Variants in DEPTOR observed in about 807,000 individuals in gnomAD.
DEPTOR encodes the protein DEP domain-containing mTOR-interacting protein.
In DEPTOR, 41 loss-of-function variants were observed where a neutral mutation model predicts 41.6. The ratio of observed to expected loss-of-function variants is 0.98; its 90% confidence interval spans 0.77 to 1.28. The LOEUF (loss-of-function observed/expected upper bound fraction) is 1.28, where lower values mean the gene tolerates loss of function less well. Among genes scored for constraint, DEPTOR ranks in the 50% most tolerant of loss-of-function variants. The probability of loss-of-function intolerance (pLI) is 0.00; values close to 1 mark genes in which losing one functional copy is unlikely to be tolerated. For missense variants in DEPTOR, 514 were observed against 527.9 expected (o/e 0.97, Z 0.26); for synonymous variants, 195 against 192.3 (o/e 1.01, Z -0.12).
chr8:119,966,354 T>C (rs115034187), intron 4 of DEPTOR, among the ~76,000 whole-genome samples: 2,266 of 152,276 alleles, frequency 0.015, 64 homozygotes, highest in African/African-American at 0.052. Flanking sequence ...TAATCCCGGC[T>C]ACTCAGGAAG....
chr8:120,041,369 G>A (rs769058666), intron 8 of DEPTOR, among the ~76,000 whole-genome samples: 2 of 152,118 alleles, frequency 1.3e-5, no homozygotes, highest in South Asian at 2.1e-4. Flanking sequence ...CAGGACTGGC[G>A]CAGGGAGAGG....
chr8:120,003,783 G>A (rs1812391944), intron 6 of DEPTOR, among the ~76,000 whole-genome samples: 3 of 152,124 alleles, frequency 2.0e-5, no homozygotes. Context: ...GCACAAAATT[G>A]TTGGTGAACA....
chr8:119,984,543 T>G (rs1165885793), intron 4 of DEPTOR, among the ~76,000 whole-genome samples: 1 of 152,178 alleles, frequency 6.6e-6, no homozygotes, highest in Non-Finnish European at 1.5e-5. Context: ...CCTGTGTTAG[T>G]TTGCTGAGAA....
intron 3 of DEPTOR, among the ~76,000 whole-genome samples, chr8:119,941,440 T>TA (rs199594418): frequency 0.018 from 2,284 of 126,794 alleles, 64 homozygotes; most frequent in African/African-American, 0.063. Flanking sequence ...TTTACCACAA[T>TA]AAAAAATAAA....
At chr8:119,914,214 G>A (rs1827783197) in intron 1 of DEPTOR, among the ~76,000 whole-genome samples, 1 of 139,836 alleles carries the variant, frequency 7.2e-6, no homozygotes, top group African/African-American at 2.9e-5. Context: ...CCTAATTTTT[G>A]TATTTTTAGT....
At chr8:119,931,957 A>G (rs1378739243) in intron 3 of DEPTOR, among the ~76,000 whole-genome samples, 1 of 123,814 alleles carries the variant, frequency 8.1e-6, no homozygotes, top group Non-Finnish European at 1.7e-5. Flanking sequence ...TAATTAAAAA[A>G]GATTATTATT....
intron 8 of DEPTOR, among the ~76,000 whole-genome samples, chr8:120,021,601 A>C (rs2130138367): frequency 6.6e-6 from 1 of 152,296 alleles, no homozygotes; most frequent in African/African-American, 2.4e-5. Flanking sequence ...ATAGTAGCTA[A>C]AAGGGGATAA....
intron 4 of DEPTOR, among the ~76,000 whole-genome samples, chr8:119,981,017 G>T (rs1828760752): frequency 6.6e-6 from 1 of 152,118 alleles, no homozygotes; most frequent in African/African-American, 2.4e-5. Context: ...TTTTGATGAG[G>T]AAGCTAAAGC....
chr8:119,925,587 A>G (rs1325762917), intron 1 of DEPTOR, among the ~76,000 whole-genome samples: 2 of 152,112 alleles, frequency 1.3e-5, no homozygotes, highest in Non-Finnish European at 2.9e-5. Context: ...GTGGGGACAC[A>G]GTCAAACCAT....
At chr8:119,940,733 C>T (rs1007419410) in intron 3 of DEPTOR, among the ~76,000 whole-genome samples, 3 of 151,724 alleles carry the variant, frequency 2.0e-5, no homozygotes, top group Admixed American at 6.6e-5. Flanking sequence ...AGTGAAACTC[C>T]GTCTCAAATT....
Position 119,928,383 on chromosome 8 carries a change from G to T in DEPTOR, c.123-17G>T. 2 of 1,605,044 alleles carry T rather than the reference G, an allele frequency of 1.2e-6. No homozygotes were observed. ...TGTCATCAGAATTTCCAAAGTAATT[G>T]CTAATTTTTCTTTCAGGCTCAGGCT... On this transcript the variant is annotated splice_polypyrimidine_tract_variant and intron_variant, in intron 1 of 8. Transcript: ENST00000286234.
intron 4 of DEPTOR, among the ~76,000 whole-genome samples, chr8:119,998,946 G>GA (rs112650879): frequency 0.37 from 50,946 of 137,444 alleles, 9,720 homozygotes; most frequent in East Asian, 0.59. Flanking sequence ...TCAAAAATAG[G>GA]AAAAAAAAAA....
At chr8:120,001,861 C>A (rs1812356366) in intron 5 of DEPTOR, 151 bp downstream of exon 5, 4 of 933,022 alleles carry the variant, frequency 4.3e-6, no homozygotes, top group Non-Finnish European at 6.0e-6. Flanking sequence ...TTCTGAAACC[C>A]TAAGTTTTTC....
chr8:119,954,747 G>T (rs970723581), intron 3 of DEPTOR, among the ~76,000 whole-genome samples: 2 of 152,066 alleles, frequency 1.3e-5, no homozygotes, highest in Admixed American at 1.3e-4. Context: ...GGTTAATACG[G>T]GTCTGGGAAA....
chr8:119,988,250 G>A (rs142034853), intron 4 of DEPTOR, among the ~76,000 whole-genome samples: 2 of 152,258 alleles, frequency 1.3e-5, no homozygotes, highest in African/African-American at 2.4e-5. Context: ...TAGGGCTTCC[G>A]TTGGCTAAGG....
chr8:120,006,969 C>G (rs1812448911), intron 7 of DEPTOR, 94 bp downstream of exon 7: 2 of 1,188,624 alleles, frequency 1.7e-6, no homozygotes, highest in East Asian at 4.9e-5. Flanking sequence ...GAAATGAAAA[C>G]TACTTTTCTA....
intron 1 of DEPTOR, among the ~76,000 whole-genome samples, chr8:119,888,715 G>T (rs1430563869): frequency 2.0e-5 from 3 of 152,018 alleles, no homozygotes; most frequent in Admixed American, 2.0e-4. Flanking sequence ...AATTAGCCAG[G>T]TGTGGTGGTG....
chr8:119,935,182 G>C (rs1448260339), intron 3 of DEPTOR, among the ~76,000 whole-genome samples: 1 of 152,010 alleles, frequency 6.6e-6, no homozygotes, highest in Non-Finnish European at 1.5e-5. Flanking sequence ...TCTTCGGGAG[G>C]GGCTTACAGC....
At chr8:119,901,995 T>A (rs1392199653) in intron 1 of DEPTOR, among the ~76,000 whole-genome samples, 1 of 152,166 alleles carries the variant, frequency 6.6e-6, no homozygotes, top group Admixed American at 6.6e-5. Context: ...ATACATATTA[T>A]GAACATCCGC....
Sources: gnomAD v4.1 joint callset for allele counts (sites outside exome capture counted in the v4.1 genomes callset) on GRCh38, gnomAD v4.1.1 for gene constraint, MANE v1.5 for transcripts, NCBI Gene and HGNC (gene_info 2026-07-23, HGNC 2026-07-21) for gene names.